Variants in ANKMY1 observed in about 807,000 individuals in gnomAD.
ANKMY1 encodes ankyrin repeat and MYND domain containing 1.
In ANKMY1, 98 loss-of-function variants were observed where a neutral mutation model predicts 102.0. The observed-to-expected ratio is 0.96, with a 90% CI of 0.82 to 1.14. The LOEUF is 1.14. ANKMY1 is among the 50% of genes most tolerant of loss of function. The pLI, the probability that ANKMY1 is intolerant of heterozygous loss-of-function variation, is 0.00. For synonymous variants in ANKMY1, 582 were observed against 559.9 expected, an observed-to-expected ratio of 1.04 and a Z score of -0.56; for missense variants, 1,330 against 1,347.6, an observed-to-expected ratio of 0.99 and a Z score of 0.20.
Position 240,520,682 on chromosome 2 carries a change from C to G in ANKMY1, c.1833-149G>C. 1 of 1,013,358 alleles carries G rather than the reference C, an allele frequency of 9.9e-7. No individual in the cohort carries two copies. The highest frequency in any genetic ancestry group is 1.7e-5 in the South Asian group (1 of 59,048). The allele number at this position is 1,013,358 out of a possible 1,614,324, so 62.8% of individuals were successfully genotyped here. A position where few individuals can be genotyped will look rare whatever the true frequency, so the allele number is the denominator to read the frequency against. On this transcript the variant is annotated intron_variant, in intron 8 of 17. Coordinates refer to ENST00000401804, the MANE Select transcript of ANKMY1 (RefSeq NM_001282771.3). The surrounding 1 kb of genome is among the most constrained non-coding windows in gnomAD (Gnocchi z 4.8). The stretch of plus-strand genomic sequence containing the variant: ...CACAATCACACACACAGCACACACC[C>G]ACACACGCAGACACACCACACAGCA...
At chr2:240,551,968 C>CA (rs1399221588) in intron 4 of ANKMY1, among the ~76,000 whole-genome samples, 1 of 152,228 alleles carries the variant, frequency 6.6e-6, no homozygotes, top group Non-Finnish European at 1.5e-5. Flanking sequence ...CAGAAAGTAT[C>CA]AAAGAACTGA....
In ANKMY1 at chr2:240,529,532, C is replaced by G. The variant is rs373285689; in HGVS notation, c.481-23G>C. On this transcript the variant is annotated intron_variant, in intron 4 of 17. Coordinates refer to ENST00000401804, the MANE Select transcript of ANKMY1 (RefSeq NM_001282771.3). This position sits in a 1 kb window ranked among gnomAD's most constrained non-coding sequence, Gnocchi z 4.2. ...CCCCTGCCAAGGAAGCGCAATAGACCGAGGAGAGATAACGCGACCCAGCTG... is the reference window on the plus strand; with the variant it reads ...CCCCTGCCAAGGAAGCGCAATAGACGGAGGAGAGATAACGCGACCCAGCTG... 1.1e-5 allele frequency: 18 copies of G among 1,581,778 alleles called. No individual in the cohort carries two copies. In the Admixed American group the frequency reaches 2.1e-4, roughly 19 times the overall value.
In ANKMY1 at chr2:240,524,067, C is replaced by T; in HGVS notation, c.1650G>A (p.Leu550=). The part of the protein sequence containing the change: ...DVLGNTDRGS[L]CSAETKFESN... ...ACTCAAATTTCGTCTCAGCACTGCA[C>T]AGACTGCCCCGGTCTGTGTTTCCCA... The change falls in exon 8 of 18, where the codon CTG becomes CTA. Residue 550 remains leucine, a synonymous_variant. Transcript: ENST00000401804. 1 of 1,614,066 alleles carries T rather than the reference C, an allele frequency of 6.2e-7. No individual in the cohort carries two copies. Among genetic ancestry groups the T allele is most frequent in the Non-Finnish European group, 8.5e-7 (1 of 1,180,046 alleles).
intron 15 of ANKMY1, among the ~76,000 whole-genome samples, chr2:240,488,504 A>C (rs545843299): frequency 6.6e-6 from 1 of 152,300 alleles, no homozygotes; most frequent in East Asian, 1.9e-4. Context: ...GTTTTCGTGA[A>C]GAATGGCATT....
downstream of ANKMY1, among the ~76,000 whole-genome samples, chr2:240,475,759 A>C (rs570680098): frequency 8.0e-4 from 122 of 151,978 alleles, 2 homozygotes; most frequent in African/African-American, 2.8e-3. Context: ...TTTTTGGTGG[A>C]ACTTTTAGAA....
intron 4 of ANKMY1, among the ~76,000 whole-genome samples, chr2:240,548,787 C>T (rs1471259687): frequency 1.3e-5 from 2 of 148,436 alleles, no homozygotes; most frequent in East Asian, 4.0e-4. Flanking sequence ...GAATAAAATA[C>T]CTAGGAATCC....
At chr2:240,473,123 T>A in the ANKMY1 span, among the ~76,000 whole-genome samples, 167 of 108,438 alleles carry the variant, frequency 1.5e-3, no homozygotes, top group Non-Finnish European at 1.7e-3. Context: ...AAACTCTGTC[T>A]AAAAAAAAAA....
rs190292161 is a variant in ANKMY1 at position 240,533,868 on chromosome 2, G to A, written c.481-4359C>T. ...TGAAAGTAAAGTTACAGAGAAAGAC[G>A]CATCACAGGAAAAATACTGGAGTCC... On this transcript the variant is annotated intron_variant, in intron 4 of 17. Transcript: ENST00000401804. 3.1e-3 allele frequency among the ~76,000 whole-genome samples: 477 copies of A among 152,160 alleles called. 2 individuals carry two copies. The highest frequency in any genetic ancestry group is 6.8e-3 in the Middle Eastern group (2 of 294).
At chr2:240,536,881 A>T (rs575352121) in intron 4 of ANKMY1, among the ~76,000 whole-genome samples, 2 of 152,194 alleles carry the variant, frequency 1.3e-5, no homozygotes, top group African/African-American at 2.4e-5. Flanking sequence ...TTGATTTTTT[A>T]AAATTATTTT....
chr2:240,559,404 C>T (rs959789849), upstream of ANKMY1, among the ~76,000 whole-genome samples: 1 of 152,186 alleles, frequency 6.6e-6, no homozygotes, highest in African/African-American at 2.4e-5. Context: ...GGCTGGCTTC[C>T]CCTTATGGCC....
chr2:240,511,385 C>A (rs1254506603), intron 11 of ANKMY1, among the ~76,000 whole-genome samples: 1 of 152,260 alleles, frequency 6.6e-6, no homozygotes, highest in Non-Finnish European at 1.5e-5. Context: ...CCCGCATCCA[C>A]CCCAGCCGCT....
chr2:240,559,462 A>G (rs561994724), upstream of ANKMY1, among the ~76,000 whole-genome samples: 1 of 152,326 alleles, frequency 6.6e-6, no homozygotes, highest in Admixed American at 6.5e-5. Context: ...TTCATGGGTT[A>G]TTAGACACCA....
intron 15 of ANKMY1, among the ~76,000 whole-genome samples, chr2:240,487,035 T>TA (rs2076136878): frequency 6.6e-6 from 1 of 152,236 alleles, no homozygotes; most frequent in African/African-American, 2.4e-5. Context: ...TTGTTAAGTA[T>TA]AGTAATTCTA....
At chr2:240,539,439 T>A (rs1413741047) in intron 4 of ANKMY1, among the ~76,000 whole-genome samples, 1 of 152,178 alleles carries the variant, frequency 6.6e-6, no homozygotes, top group Non-Finnish European at 1.5e-5. Context: ...GAAGAAACTA[T>A]GAACACGTCC....
Position 240,499,841 on chromosome 2 carries a change from C to A in ANKMY1, c.2806+117G>T. On this transcript the variant is annotated intron_variant, in intron 15 of 17. Transcript: ENST00000401804. The surrounding 1 kb of genome is among the most constrained non-coding windows in gnomAD (Gnocchi z 4.2). ...AAAGGGGACAAGCCGACGAGCCCAG[C>A]CCCAGGAAGGCCCCTCCAAGAGCCC... 1 of 1,333,494 alleles carries A rather than the reference C, an allele frequency of 7.5e-7. No homozygotes were observed. The highest frequency in any genetic ancestry group is 1.0e-6 in the Non-Finnish European group (1 of 999,408). The allele number at this position is 1,333,494 out of a possible 1,614,324, so 82.6% of individuals were successfully genotyped here. A position where few individuals can be genotyped will look rare whatever the true frequency, so the allele number is the denominator to read the frequency against.
At chr2:240,480,558 A>G (rs2151824847) in intron 17 of ANKMY1, among the ~76,000 whole-genome samples, 1 of 152,336 alleles carries the variant, frequency 6.6e-6, no homozygotes, top group East Asian at 1.9e-4. Context: ...CCTGTGGTCC[A>G]GAGGCACTGG....
chr2:240,496,075 G>A (rs1399151956), intron 15 of ANKMY1, among the ~76,000 whole-genome samples: 1 of 152,194 alleles, frequency 6.6e-6, no homozygotes, highest in Non-Finnish European at 1.5e-5. Context: ...TTCTTCTGAT[G>A]AGATGCTGGC....
intron 13 of ANKMY1, 106 bp from the exon 14 acceptor site, chr2:240,500,671 G>A (rs1296607661): frequency 6.5e-6 from 6 of 926,916 alleles, no homozygotes; most frequent in Non-Finnish European, 1.0e-5. Context: ...CCCCACCAAG[G>A]CCGCCCTTGC....
chr2:240,502,665 C>T (rs547137883), intron 13 of ANKMY1, among the ~76,000 whole-genome samples: 6 of 152,128 alleles, frequency 3.9e-5, no homozygotes, highest in African/African-American at 1.4e-4. Context: ...GAGTGACCAC[C>T]TCATCCACGG....
Sources: allele counts gnomAD v4.1 joint callset (sites outside exome capture counted in the v4.1 genomes callset), GRCh38; gene constraint gnomAD v4.1.1; non-coding constraint Gnocchi (gnomAD v3.1); transcripts MANE v1.5; gene names NCBI Gene and HGNC (gene_info 2026-07-23, HGNC 2026-07-21).